The following SH3GL2 variants were observed in gnomAD, a reference collection of about 807,000 sequenced individuals.
SH3GL2 encodes the protein endophilin-A1.
A neutral mutation model predicts 46.0 loss-of-function variants in SH3GL2; 24 were observed. The ratio of observed to expected loss-of-function variants is 0.52; its 90% CI spans 0.38 to 0.73. The LOEUF (loss-of-function observed/expected upper bound fraction) is 0.73. SH3GL2 is among the 30% of genes least tolerant of loss of function. The pLI, the probability that SH3GL2 is intolerant of heterozygous loss-of-function variation, is 0.00. For missense variants in SH3GL2, 413 were observed against 424.2 expected (o/e 0.97, Z 0.23); for synonymous variants, 196 against 147.1 (o/e 1.33, Z -2.40).
At chr9:17,737,902 C>A (rs1012175732) in intron 1 of SH3GL2, among the ~76,000 whole-genome samples, 5 of 152,000 alleles carry the variant, frequency 3.3e-5, no homozygotes, top group African/African-American at 1.2e-4. Flanking sequence ...AAGCTTCTTC[C>A]CTAATCCCAT....
intron 8 of SH3GL2, among the ~76,000 whole-genome samples, chr9:17,794,640 G>T (rs1824228945): frequency 6.6e-6 from 1 of 152,168 alleles, no homozygotes; most frequent in Admixed American, 6.5e-5. Flanking sequence ...GATGGCATGG[G>T]AACTGTGTGC....
At chr9:17,685,990 T>G (rs1362958666) in intron 1 of SH3GL2, among the ~76,000 whole-genome samples, 66 of 144,652 alleles carry the variant, frequency 4.6e-4, no homozygotes, top group East Asian at 3.9e-3. Flanking sequence ...GAAACTACCA[T>G]CAGAGTGAAC....
In SH3GL2 at chr9:17,622,986, G is replaced by GTTTCCTTTCCGTTCCTTTCCTTTCC. The variant is rs1819181989; in HGVS notation, c.45+43709_45+43710insGTTCCTTTCCTTTCCTTTCCTTTCC. 1.4e-4 allele frequency among the ~76,000 whole-genome samples: 14 copies of GTTTCCTTTCCGTTCCTTTCCTTTCC among 99,398 alleles called. 1 individual carries two copies. The East Asian group carries it at 3.0e-3, about 21-fold the overall frequency. The allele number at this position is 99,398 out of a possible 152,430, so 65.2% of individuals were successfully genotyped here. A position where few individuals can be genotyped will look rare whatever the true frequency, so the allele number is the denominator to read the frequency against. Reference sequence around the variant, plus strand: ...CTCCCTTTTCCTTTCGTTTCCTTTCGTTTCCTTTCCTTTCCTTTCCTTTCC... The same window carrying GTTTCCTTTCCGTTCCTTTCCTTTCC: ...CTCCCTTTTCCTTTCGTTTCCTTTCGTTTCCTTTCCGTTCCTTTCCTTTCCTTTCCTTTCCTTTCCTTTCCTTTCC... On this transcript the variant is annotated intron_variant, in intron 1 of 8. Transcript: ENST00000380607.
intron 8 of SH3GL2, among the ~76,000 whole-genome samples, chr9:17,794,812 A>G (rs1352949992): frequency 6.6e-6 from 1 of 152,192 alleles, no homozygotes; most frequent in Non-Finnish European, 1.5e-5. Flanking sequence ...GCATATATTT[A>G]TGTATGCAAC....
At chr9:17,673,310 A>G (rs889427878) in intron 1 of SH3GL2, among the ~76,000 whole-genome samples, 1 of 131,770 alleles carries the variant, frequency 7.6e-6, no homozygotes, top group African/African-American at 3.0e-5. Flanking sequence ...CACCATGCCT[A>G]GTTTTTAATT....
chr9:17,647,910 G>T (rs1418790228), intron 1 of SH3GL2, among the ~76,000 whole-genome samples: 1 of 152,128 alleles, frequency 6.6e-6, no homozygotes. Flanking sequence ...AGTGAGGCCA[G>T]TCCCCCCACC....
intron 1 of SH3GL2, among the ~76,000 whole-genome samples, chr9:17,682,829 G>T (rs974917760): frequency 1.3e-5 from 2 of 152,086 alleles, no homozygotes; most frequent in African/African-American, 4.8e-5. Context: ...TAGTTTGCAA[G>T]TTAACATGAT....
chr9:17,707,223 G>T (rs1406070648), intron 1 of SH3GL2, among the ~76,000 whole-genome samples: 2 of 151,982 alleles, frequency 1.3e-5, no homozygotes, highest in African/African-American at 2.4e-5. Flanking sequence ...TCTCATTAGA[G>T]AATTAAATGA....
chr9:17,689,123 T>C (rs1821002399), intron 1 of SH3GL2, among the ~76,000 whole-genome samples: 1 of 152,048 alleles, frequency 6.6e-6, no homozygotes, highest in Non-Finnish European at 1.5e-5. Context: ...GCACTTCACC[T>C]CTGTGGTCTT....
intron 2 of SH3GL2, among the ~76,000 whole-genome samples, chr9:17,749,154 C>G (rs1236207679): frequency 1.3e-5 from 2 of 152,234 alleles, no homozygotes; most frequent in Non-Finnish European, 2.9e-5. Context: ...GGACCAAAGT[C>G]TGCATTGGTT....
At chr9:17,732,446 T>C (rs906026590) in intron 1 of SH3GL2, among the ~76,000 whole-genome samples, 2 of 152,138 alleles carry the variant, frequency 1.3e-5, no homozygotes, top group African/African-American at 2.4e-5. Flanking sequence ...GTTAATGTAT[T>C]CTGGAGCATA....
chr9:17,795,544 G>T lies in SH3GL2; in HGVS notation c.860G>T (p.Gly287Val), dbSNP rs1824249336. ...LSHTGTPKPS[G>V]VQMDQPCCRA... ...TCTTCTCTCCTGCTCTTACTCCCAG[G>T]TGTCCAAATGGATCAGCCCTGCTGC... is the stretch of plus-strand genomic sequence containing the variant. The change falls in exon 9 of 9, where the codon GGT (glycine) becomes GTT (valine). Residue 287 changes from glycine (G) to valine (V), a missense_variant and splice_region_variant. Physicochemically the swap from Gly to Val is moderately radical, Grantham distance 109. Around this residue, in one of 3 missense-constraint regions of SH3GL2, gnomAD observed 248 missense variants for 215.0 expected, o/e 1.15. Transcript: ENST00000380607. The T allele has an allele frequency of 6.2e-7, 1 of 1,612,898 alleles. No individual in the cohort carries two copies. The highest frequency in any genetic ancestry group is 8.5e-7 in the Non-Finnish European group (1 of 1,179,006).
At chr9:17,668,636 C>G (rs1390460894) in intron 1 of SH3GL2, among the ~76,000 whole-genome samples, 3 of 149,952 alleles carry the variant, frequency 2.0e-5, no homozygotes, top group East Asian at 2.0e-4. Context: ...AATGGCTGTT[C>G]TTTTGTCTCA....
intron 3 of SH3GL2, among the ~76,000 whole-genome samples, chr9:17,775,071 A>G (rs1823604040): frequency 6.7e-6 from 1 of 150,126 alleles, no homozygotes; most frequent in South Asian, 2.1e-4. Flanking sequence ...ATTGTTGTGC[A>G]GTTGTTCATA....
chr9:17,671,076 T>C (rs1820462659), intron 1 of SH3GL2, among the ~76,000 whole-genome samples: 1 of 152,200 alleles, frequency 6.6e-6, no homozygotes, highest in African/African-American at 2.4e-5. Context: ...TGACATTATA[T>C]TTGAATGATT....
chr9:17,789,294 C>T, intron 5 of SH3GL2, 98 bp from the exon 6 acceptor site: 1 of 965,084 alleles, frequency 1.0e-6, no homozygotes, highest in Non-Finnish European at 1.6e-6. Flanking sequence ...CTTAGCCTAT[C>T]TTAATTTGGA....
chr9:17,779,777 C>T (rs772716693), intron 3 of SH3GL2, among the ~76,000 whole-genome samples: 67 of 152,254 alleles, frequency 4.4e-4, no homozygotes, highest in Middle Eastern at 6.8e-3. Context: ...TCTTTACCCC[C>T]CACCACCATC....
chr9:17,702,626 C>T (rs933003123), intron 1 of SH3GL2, among the ~76,000 whole-genome samples: 1 of 152,028 alleles, frequency 6.6e-6, no homozygotes, highest in African/African-American at 2.4e-5. Context: ...AAACAACCTG[C>T]ATGTGAATAT....
At chr9:17,738,336 A>C (rs1364703300) in intron 1 of SH3GL2, among the ~76,000 whole-genome samples, 1 of 151,798 alleles carries the variant, frequency 6.6e-6, no homozygotes, top group Non-Finnish European at 1.5e-5. Context: ...CTTGCATAGT[A>C]CTTTCTCTTT....
Sources: allele counts gnomAD v4.1 joint callset (sites outside exome capture counted in the v4.1 genomes callset), GRCh38; gene constraint gnomAD v4.1.1; regional missense constraint gnomAD v4.1.1; transcripts MANE v1.5; gene names NCBI Gene and HGNC (gene_info 2026-07-23, HGNC 2026-07-21).